NKAIN3: variants seen among roughly 807,000 people sequenced by gnomAD.
NKAIN3 encodes sodium/potassium transporting ATPase interacting 3, also known as sodium/potassium-transporting ATPase subunit beta-1-interacting protein 3.
NKAIN3 carries 25 observed loss-of-function variants against 30.2 expected under a neutral mutation model. The observed-to-expected ratio is 0.83, with a 90% CI of 0.60 to 1.16. The LOEUF is 1.16. NKAIN3 is among the 50% of genes most tolerant of loss of function. NKAIN3 has a pLI of 0.00. For synonymous variants in NKAIN3, 91 were observed against 89.6 expected, an observed-to-expected ratio of 1.02 and a Z score of -0.09; for missense variants, 225 against 254.1, an observed-to-expected ratio of 0.89 and a Z score of 0.78.
chr8:62,629,157 A>G (rs553076882), intron 3 of NKAIN3, among the ~76,000 whole-genome samples: 2 of 152,244 alleles, frequency 1.3e-5, no homozygotes, highest in East Asian at 3.9e-4. Flanking sequence ...TAATCAGATA[A>G]TTCTAGTAAT....
At chr8:62,690,825 A>G (rs906658391) in intron 3 of NKAIN3, among the ~76,000 whole-genome samples, 3 of 152,228 alleles carry the variant, frequency 2.0e-5, no homozygotes, top group Non-Finnish European at 2.9e-5. Flanking sequence ...ACCGCGCAGT[A>G]TCTACAAGGG....
At chr8:62,998,599 A>G (rs1804181995) in intron 5 of NKAIN3, among the ~76,000 whole-genome samples, 1 of 152,144 alleles carries the variant, frequency 6.6e-6, no homozygotes, top group Non-Finnish European at 1.5e-5. Flanking sequence ...TATCACTTGC[A>G]CTATACAACT....
At chr8:62,919,519 ACAGG>A (rs893307771) in intron 5 of NKAIN3, among the ~76,000 whole-genome samples, 3 of 152,132 alleles carry the variant, frequency 2.0e-5, no homozygotes, top group African/African-American at 7.2e-5. Flanking sequence ...TGCTGGGATT[ACAGG>A]CGTCAGCCAC....
At chr8:62,594,704 A>G (rs576139371) in intron 3 of NKAIN3, among the ~76,000 whole-genome samples, 1 of 152,158 alleles carries the variant, frequency 6.6e-6, no homozygotes, top group East Asian at 1.9e-4. Flanking sequence ...TTGAAGTGGT[A>G]GTTGTTATCA....
At chr8:62,534,522 A>G (rs1253014474) in intron 1 of NKAIN3, among the ~76,000 whole-genome samples, 2 of 152,194 alleles carry the variant, frequency 1.3e-5, no homozygotes, top group African/African-American at 4.8e-5. Flanking sequence ...CATAAGATGA[A>G]TGTCACCTGT....
intron 1 of NKAIN3, among the ~76,000 whole-genome samples, chr8:62,536,201 T>C (rs749322172): frequency 1.3e-5 from 2 of 152,178 alleles, no homozygotes; most frequent in Non-Finnish European, 2.9e-5. Flanking sequence ...AGAATGCTTA[T>C]AGCATTTTTA....
rs1014969366 is a variant in NKAIN3 at position 62,298,041 on chromosome 8, G to T, written c.54+48914G>T. On this transcript the variant is annotated intron_variant, in intron 1 of 6. Transcript: ENST00000623646. ...CTTTGTAGGGACATGGATGAAATTGGAAATCATCATTCTCAGTAAACTATC... is the reference window on the plus strand; with the variant it reads ...CTTTGTAGGGACATGGATGAAATTGTAAATCATCATTCTCAGTAAACTATC... 1.8e-3 allele frequency among the ~76,000 whole-genome samples: 272 copies of T among 151,970 alleles called. 1 individual carries two copies. Among genetic ancestry groups the T allele is most frequent in the African/African-American group, 6.2e-3 (259 of 41,464 alleles).
chr8:62,368,559 AG>A, intron 1 of NKAIN3, among the ~76,000 whole-genome samples: 1 of 452 alleles, frequency 2.2e-3, no homozygotes. Context: ...AAATACAGCT[AG>A]CTGGGGAAGG....
chr8:62,891,265 G>T (rs1821289024), intron 4 of NKAIN3, among the ~76,000 whole-genome samples: 1 of 152,192 alleles, frequency 6.6e-6, no homozygotes, highest in Admixed American at 6.5e-5. Flanking sequence ...GAGTCTTCTG[G>T]CCTTCATCTT....
At chr8:62,614,967 C>A (rs1242679568) in intron 3 of NKAIN3, among the ~76,000 whole-genome samples, 1 of 152,170 alleles carries the variant, frequency 6.6e-6, no homozygotes, top group Non-Finnish European at 1.5e-5. Context: ...TCAGGGACAC[C>A]AAGAGCCTGC....
chr8:62,770,494 C>A (rs1189806421), intron 4 of NKAIN3, among the ~76,000 whole-genome samples: 2 of 152,180 alleles, frequency 1.3e-5, no homozygotes, highest in African/African-American at 4.8e-5. Flanking sequence ...TCCTAAATTG[C>A]AGATGATTGG....
At chr8:62,584,103 G>A (rs1267201010) in intron 2 of NKAIN3, among the ~76,000 whole-genome samples, 1 of 152,100 alleles carries the variant, frequency 6.6e-6, no homozygotes, top group East Asian at 1.9e-4. Flanking sequence ...GAAGAGTTCT[G>A]GAGCAGAAAT....
chr8:62,499,830 C>G (rs550627084), intron 1 of NKAIN3, among the ~76,000 whole-genome samples: 1 of 151,976 alleles, frequency 6.6e-6, no homozygotes, highest in Admixed American at 6.6e-5. Context: ...TTCTTTCTTT[C>G]TTTCTTTCCT....
chr8:62,618,635 G>A (rs12334898), intron 3 of NKAIN3, among the ~76,000 whole-genome samples: 3,592 of 152,228 alleles, frequency 0.024, 103 homozygotes, highest in African/African-American at 0.074. Flanking sequence ...GCCAGGGGCT[G>A]TGGCTAACGC....
chr8:62,948,948 A>G, intron 5 of NKAIN3, among the ~76,000 whole-genome samples: 1 of 152,194 alleles, frequency 6.6e-6, no homozygotes, highest in East Asian at 1.9e-4. Flanking sequence ...ACAGAGGAGG[A>G]TCCAAGTATC....
At chr8:62,404,394 G>T (rs1353609580) in intron 1 of NKAIN3, among the ~76,000 whole-genome samples, 1 of 152,176 alleles carries the variant, frequency 6.6e-6, no homozygotes, top group East Asian at 1.9e-4. Flanking sequence ...AGCTCGTCTT[G>T]AATTGTAGAT....
At chr8:62,938,102 G>C (rs1322831354) in intron 5 of NKAIN3, among the ~76,000 whole-genome samples, 2 of 152,094 alleles carry the variant, frequency 1.3e-5, no homozygotes, top group Admixed American at 1.3e-4. Flanking sequence ...ACCACCTAAT[G>C]GTCTTTCTCT....
chr8:62,803,370 C>G (rs1296652746), intron 4 of NKAIN3, among the ~76,000 whole-genome samples: 1 of 152,070 alleles, frequency 6.6e-6, no homozygotes. Context: ...GGAAGTAAAG[C>G]TCTCCTCAGC....
At chr8:62,335,173 G>A (rs1388864063) in intron 1 of NKAIN3, among the ~76,000 whole-genome samples, 2 of 151,988 alleles carry the variant, frequency 1.3e-5, no homozygotes, top group Non-Finnish European at 2.9e-5. Context: ...AGTGGCTCAA[G>A]CCTGTAATTC....
Sources: gnomAD v4.1 joint callset for allele counts (sites outside exome capture counted in the v4.1 genomes callset) on GRCh38, gnomAD v4.1.1 for gene constraint, MANE v1.5 for transcripts, NCBI Gene and HGNC (gene_info 2026-07-23, HGNC 2026-07-21) for gene names.